TTC27: variants seen among roughly 807,000 people sequenced by gnomAD.
TTC27 encodes the protein tetratricopeptide repeat protein 27.
A neutral mutation model predicts 115.9 loss-of-function variants in TTC27; 79 were observed. The ratio of observed to expected loss-of-function variants is 0.68; its 90% CI spans 0.57 to 0.82. TTC27 has a LOEUF of 0.82. Ranked by LOEUF, TTC27 falls within the 40% of genes least tolerant of loss-of-function variation. The pLI is 0.00. For synonymous variants in TTC27, 401 were observed against 356.0 expected (o/e 1.13, Z -1.42); for missense variants, 1,054 against 993.1 (o/e 1.06, Z -0.82).
chr2:32,739,354 TTTAA>T (rs144111909), intron 12 of TTC27, among the ~76,000 whole-genome samples: 2,046 of 152,318 alleles, frequency 0.013, 35 homozygotes, highest in African/African-American at 0.048. Flanking sequence ...AGAATATTAA[TTTAA>T]TTATTTTTAG....
intron 5 of TTC27, among the ~76,000 whole-genome samples, chr2:32,652,876 CA>C (rs913292704): frequency 1.3e-5 from 2 of 151,886 alleles, no homozygotes; most frequent in African/African-American, 4.8e-5. Flanking sequence ...GAAACATAGG[CA>C]AAGGATTTTA....
intron 5 of TTC27, among the ~76,000 whole-genome samples, chr2:32,653,895 A>C (rs144460500): frequency 5.3e-5 from 8 of 152,204 alleles, no homozygotes; most frequent in Non-Finnish European, 1.0e-4. Context: ...ATATATGCCT[A>C]ATGTAAACCT....
At chr2:32,772,564 T>C (rs989457524) in intron 13 of TTC27, among the ~76,000 whole-genome samples, 16 of 152,230 alleles carry the variant, frequency 1.1e-4, no homozygotes, top group Admixed American at 9.2e-4. Flanking sequence ...CTCCACACTT[T>C]TTAAAAAATA....
intron 16 of TTC27, among the ~76,000 whole-genome samples, chr2:32,798,404 A>G (rs1484675331): frequency 3.4e-5 from 5 of 145,170 alleles, no homozygotes; most frequent in Non-Finnish European, 7.5e-5. Context: ...CATCTCAAAA[A>G]AAAGAAAGAA....
chr2:32,668,837 T>TGG (rs375576220), intron 7 of TTC27, among the ~76,000 whole-genome samples: 21,661 of 151,928 alleles, frequency 0.14, 1,824 homozygotes, highest in South Asian at 0.36. Flanking sequence ...CCCAGCACTT[T>TGG]GGGAGGCCGA....
At chr2:32,682,844 G>GTTTTTTTTA (rs142030247) in intron 9 of TTC27, among the ~76,000 whole-genome samples, 1 of 56,988 alleles carries the variant, frequency 1.8e-5, no homozygotes. Flanking sequence ...AATTTTTATT[G>GTTTTTTTTA]TTGTTTTTTT....
intron 16 of TTC27, among the ~76,000 whole-genome samples, chr2:32,798,793 G>A (rs556645938): frequency 6.6e-6 from 1 of 152,112 alleles, no homozygotes; most frequent in African/African-American, 2.4e-5. Context: ...TGGTGGGAAT[G>A]TAAAACAGTA....
chr2:32,692,036 GTTTTTTT>G (rs779547700), intron 9 of TTC27, among the ~76,000 whole-genome samples: 29 of 61,212 alleles, frequency 4.7e-4, no homozygotes, highest in East Asian at 3.0e-3. Flanking sequence ...AATTTTTTAG[GTTTTTTT>G]TTTTTTTTTT....
intron 13 of TTC27, among the ~76,000 whole-genome samples, chr2:32,765,975 C>T (rs1250780514): frequency 3.3e-5 from 5 of 152,274 alleles, no homozygotes; most frequent in South Asian, 2.1e-4. Flanking sequence ...AGACTTTCCC[C>T]GTATCAGCAA....
At chr2:32,632,363 C>T (rs1240286102) in intron 2 of TTC27, among the ~76,000 whole-genome samples, 3 of 152,044 alleles carry the variant, frequency 2.0e-5, no homozygotes, top group Non-Finnish European at 2.9e-5. Flanking sequence ...AGCCTTGTGG[C>T]ACCCATTAAA....
chr2:32,799,958 G>A (rs1298067495), intron 16 of TTC27, among the ~76,000 whole-genome samples: 1 of 152,146 alleles, frequency 6.6e-6, no homozygotes, highest in African/African-American at 2.4e-5. Flanking sequence ...GGAAGAGCAC[G>A]TACTCTGGAG....
chr2:32,638,311 C>G (rs1332690464), intron 3 of TTC27, among the ~76,000 whole-genome samples: 3 of 152,026 alleles, frequency 2.0e-5, no homozygotes, highest in Admixed American at 6.6e-5. Context: ...CTCTATTACA[C>G]TCTTGAATGA....
intron 3 of TTC27, among the ~76,000 whole-genome samples, chr2:32,634,371 T>G (rs1257238768): frequency 6.6e-6 from 1 of 151,928 alleles, no homozygotes; most frequent in Non-Finnish European, 1.5e-5. Context: ...TACAGCTCAC[T>G]GCACCCTCAA....
chr2:32,642,247 A>ATTTTTTTTT (rs10634857), intron 4 of TTC27, among the ~76,000 whole-genome samples: 11 of 102,164 alleles, frequency 1.1e-4, no homozygotes, highest in African/African-American at 1.5e-4. Context: ...TATACACTAA[A>ATTTTTTTTT]TTTTTTTTTT....
intron 14 of TTC27, chr2:32,780,200 T>C (rs1306970195): frequency 5.2e-6 from 2 of 386,632 alleles, no homozygotes; most frequent in African/African-American, 4.1e-5. Flanking sequence ...TTTAGCTTTG[T>C]AAATTTCCCC....
At chr2:32,672,516 G>A (rs1017217904) in intron 8 of TTC27, 132 bp downstream of exon 8, 2 of 600,614 alleles carry the variant, frequency 3.3e-6, no homozygotes, top group African/African-American at 1.9e-5. Flanking sequence ...ATGAAGATCA[G>A]AGGAAATACT....
In TTC27 at chr2:32,628,284, T is replaced by A; in HGVS notation, c.-9T>A. On this transcript the variant is annotated 5_prime_UTR_variant, in exon 1 of 20. Coordinates refer to ENST00000317907, the MANE Select transcript of TTC27 (RefSeq NM_017735.5). ...GGAGCCTGTTTTGGCTGCAGCGGTG[T>A]CTGGGGTGATGTGGACCCCGGAGCT... 1 of 1,601,072 alleles carries A rather than the reference T, an allele frequency of 6.2e-7. No individual in the cohort carries two copies. The highest frequency in any genetic ancestry group is 1.1e-5 in the South Asian group (1 of 88,102).
chr2:32,706,223 C>T (rs1284923695), intron 10 of TTC27, among the ~76,000 whole-genome samples: 1 of 151,076 alleles, frequency 6.6e-6, no homozygotes, highest in Non-Finnish European at 1.5e-5. Flanking sequence ...GCTGGGATTA[C>T]AGGCATGTGC....
intron 9 of TTC27, among the ~76,000 whole-genome samples, chr2:32,679,328 C>T (rs968304193): frequency 1.3e-5 from 2 of 152,146 alleles, no homozygotes; most frequent in Admixed American, 6.6e-5. Flanking sequence ...ACTCTCTGGA[C>T]AGTTCCCTCA....
Sources: allele counts gnomAD v4.1 joint callset (sites outside exome capture counted in the v4.1 genomes callset), GRCh38; gene constraint gnomAD v4.1.1; transcripts MANE v1.5; gene names NCBI Gene and HGNC (gene_info 2026-07-23, HGNC 2026-07-21).